OR52N2: variants seen among roughly 807,000 people sequenced by gnomAD.
The protein encoded by OR52N2 is olfactory receptor family 52 subfamily N member 2, also known as olfactory receptor 52N2.
For missense variants in OR52N2, 326 were observed against 196.6 expected (o/e 1.66, Z -3.94); for synonymous variants, 129 against 72.0 (o/e 1.79, Z -4.01).
Position 5,820,442 on chromosome 11 carries a change from T to C in OR52N2, c.107T>C (p.Met36Thr), listed in dbSNP as rs1846437893. 3.8e-6 allele frequency: 3 copies of C among 780,704 alleles called. No homozygotes were observed. Among genetic ancestry groups the C allele is most frequent in the East Asian group, 4.8e-5 (2 of 41,240 alleles). 48.4% of individuals were successfully genotyped at this position (780,704 alleles called of 1,614,324 possible). A position where few individuals can be genotyped will look rare whatever the true frequency, so the allele number is the denominator to read the frequency against. ...TGGATCTCCCTGCCATTCTGCTTTA[T>C]GTACATCATTGCTGTCGTGGGGAAC... is the stretch of plus-strand genomic sequence containing the variant. ...HIWISLPFCF[M>T]YIIAVVGNCG... Residue 36 changes from methionine to threonine, a missense_variant, in exon 2 of 2, where the codon ATG (methionine) becomes ACG (threonine). Coordinates refer to ENST00000317037, the MANE Select transcript of OR52N2 (RefSeq NM_001005174.3).
chr11:5,819,531 A>G (rs1255512703), intron 1 of OR52N2, among the ~76,000 whole-genome samples: 1 of 152,208 alleles, frequency 6.6e-6, no homozygotes, highest in East Asian at 1.9e-4. Flanking sequence ...TAGCAAAATC[A>G]CTACTAAACT....
chr11:5,814,088 G>A (rs1044145885), intron 1 of OR52N2, among the ~76,000 whole-genome samples: 1 of 152,080 alleles, frequency 6.6e-6, no homozygotes, highest in Non-Finnish European at 1.5e-5. Flanking sequence ...CTTTTCCTCT[G>A]AAATTAGACA....
intron 1 of OR52N2, among the ~76,000 whole-genome samples, chr11:5,815,861 A>C (rs1176537202): frequency 6.8e-6 from 1 of 146,676 alleles, no homozygotes; most frequent in Non-Finnish European, 1.5e-5. Context: ...ATAATGGATA[A>C]GCAAAATGTA....
At position 5,820,797 on chromosome 11, in the gene OR52N2, T is replaced by C. The variant is rs780329527; in HGVS notation, c.462T>C (p.Asn154=). The change falls in exon 2 of 2, where the codon AAT becomes AAC. Residue 154 remains asparagine (N), a synonymous_variant. Coordinates refer to ENST00000317037, the MANE Select transcript of OR52N2 (RefSeq NM_001005174.3). ...CTGGTCTTGCCACCTTCTTGAGGAA[T>C]GTGATGCTCATCATCCCATTCACTC... is the stretch of plus-strand genomic sequence containing the variant. ...AKAGLATFLR[N]VMLIIPFTLL... 1 of 774,110 alleles carries C rather than the reference T, an allele frequency of 1.3e-6. No homozygotes were observed. The highest frequency in any genetic ancestry group is 2.4e-6 in the Non-Finnish European group (1 of 414,928). The allele number at this position is 774,110 out of a possible 1,614,324, so 48.0% of individuals were successfully genotyped here.
intron 1 of OR52N2, among the ~76,000 whole-genome samples, chr11:5,812,400 C>G (rs938455611): frequency 6.9e-6 from 1 of 145,258 alleles, no homozygotes; most frequent in African/African-American, 2.6e-5. Flanking sequence ...GAGGCTGAGG[C>G]AGGAGAATGG....
At chr11:5,813,398 C>G (rs80095090) in intron 1 of OR52N2, among the ~76,000 whole-genome samples, 5,740 of 152,146 alleles carry the variant, frequency 0.038, 333 homozygotes, top group African/African-American at 0.13. Flanking sequence ...TTCCTTGGCA[C>G]TTACAACTTA....
chr11:5,815,928 T>C (rs1846400865), intron 1 of OR52N2, among the ~76,000 whole-genome samples: 1 of 115,268 alleles, frequency 8.7e-6, no homozygotes, highest in South Asian at 3.0e-4. Context: ...ATATATACAT[T>C]ATATATGTAT....
chr11:5,809,488 A>C (rs1846335039), intron 1 of OR52N2, among the ~76,000 whole-genome samples: 1 of 152,182 alleles, frequency 6.6e-6, no homozygotes, highest in African/African-American at 2.4e-5. Flanking sequence ...TAACTACGGG[A>C]ACAGATGTGA....
chr11:5,811,592 G>C (rs1029553584), intron 1 of OR52N2, among the ~76,000 whole-genome samples: 1 of 151,786 alleles, frequency 6.6e-6, no homozygotes, highest in Non-Finnish European at 1.5e-5. Context: ...AGAAAGTAAA[G>C]AACGAAAGCA....
At position 5,821,056 on chromosome 11, in the gene OR52N2, A is replaced by T. The variant is rs773060844; in HGVS notation, c.721A>T (p.Ser241Cys). ...AGCAGATGCTCGTCACAAAGCCTTCAGCACCTGCACATCTCACATGTGTTC... is the reference window on the plus strand; with the variant it reads ...AGCAGATGCTCGTCACAAAGCCTTCTGCACCTGCACATCTCACATGTGTTC... ...SSADARHKAF[S>C]TCTSHMCSIV... The change falls in exon 2 of 2, where the codon AGC (serine) becomes TGC (cysteine). Residue 241 changes from serine to cysteine, a missense_variant. Coordinates refer to ENST00000317037, the MANE Select transcript of OR52N2 (RefSeq NM_001005174.3). 9 of 781,012 alleles carry T rather than the reference A, an allele frequency of 1.2e-5. No homozygotes were observed. The highest frequency in any genetic ancestry group is 9.4e-5 in the South Asian group (7 of 74,620). 48.4% of individuals were successfully genotyped at this position (781,012 alleles called of 1,614,324 possible).
intron 1 of OR52N2, among the ~76,000 whole-genome samples, chr11:5,818,081 A>G (rs1265912594): frequency 6.6e-6 from 1 of 152,200 alleles, no homozygotes; most frequent in Non-Finnish European, 1.5e-5. Flanking sequence ...ATAATTATAA[A>G]GTGATTGAAT....
chr11:5,820,741 A>T lies in OR52N2; in HGVS notation c.406A>T (p.Thr136Ser). 1.3e-6 allele frequency: 1 copy of T among 778,250 alleles called. No homozygotes were observed. 48.2% of individuals were successfully genotyped at this position (778,250 alleles called of 1,614,324 possible). The change falls in exon 2 of 2, where the codon ACC becomes TCC. Residue 136 changes from threonine to serine, a missense_variant. Transcript: ENST00000317037. Reference protein sequence around the residue: ...VAICYPLRYATILTNPVIAKA... With the variant: ...VAICYPLRYASILTNPVIAKA... ...CATCTGCTACCCCTTACGCTATGCC[A>T]CCATCCTTACCAACCCTGTCATCGC...
chr11:5,820,577 C>G lies in OR52N2; in HGVS notation c.242C>G (p.Pro81Arg), dbSNP rs781208605. ...GTCACCTTGTGCACCACCATGGTAC[C>G]TAATATGCTGTGCATATTCTGGTTC... ...TDVTLCTTMVPNMLCIFWFNL... is the reference protein window; with the variant it reads ...TDVTLCTTMVRNMLCIFWFNL... Residue 81 changes from proline (P) to arginine (R), a missense_variant, in exon 2 of 2, where the codon CCT becomes CGT. Pro to Arg is a moderately radical substitution (Grantham distance 103). Transcript: ENST00000317037. The G allele has an allele frequency of 2.6e-6, 2 of 781,320 alleles. No individual in the cohort carries two copies. The highest frequency in any genetic ancestry group is 2.4e-6 in the Non-Finnish European group (1 of 418,440). The allele number at this position is 781,320 out of a possible 1,614,324, so 48.4% of individuals were successfully genotyped here. A position where few individuals can be genotyped will look rare whatever the true frequency, so the allele number is the denominator to read the frequency against.
chr11:5,820,850 G>A lies in OR52N2; in HGVS notation c.515G>A (p.Arg172Gln), dbSNP rs149195260. The change falls in exon 2 of 2, where the codon CGG becomes CAG. Residue 172 changes from arginine to glutamine, a missense_variant. Physicochemically the swap from Arg to Gln is conservative, Grantham distance 43 (BLOSUM62 1). Transcript: ENST00000317037. ...TLLTKRLPYC[R>Q]GNFIPHTYCD... ...CTCACCAAGCGCCTGCCCTATTGCC[G>A]GGGGAACTTCATCCCCCACACCTAC... is the stretch of plus-strand genomic sequence containing the variant. The A allele has an allele frequency of 2.4e-5, 19 of 780,668 alleles. No individual in the cohort carries two copies. Among genetic ancestry groups the A allele is most frequent in the African/African-American group, 1.5e-4 (9 of 59,198 alleles). 48.4% of individuals were successfully genotyped at this position (780,668 alleles called of 1,614,324 possible). A position where few individuals can be genotyped will look rare whatever the true frequency, so the allele number is the denominator to read the frequency against.
In OR52N2 at chr11:5,820,879, G is replaced by A. The variant is rs1420733760; in HGVS notation, c.544G>A (p.Asp182Asn). The A allele has an allele frequency of 1.3e-6, 1 of 781,008 alleles. No homozygotes were observed. 48.4% of individuals were successfully genotyped at this position (781,008 alleles called of 1,614,324 possible). A position where few individuals can be genotyped will look rare whatever the true frequency, so the allele number is the denominator to read the frequency against. Residue 182 changes from aspartate (D) to asparagine (N), a missense_variant, in exon 2 of 2, where the codon GAC (aspartate) becomes AAC (asparagine). By Grantham distance (23) the Asp-to-Asn change is conservative. Transcript: ENST00000317037. ...RGNFIPHTYC[D>N]HMSVAKVSCG... is the part of the protein sequence containing the mutation. Reference sequence around the variant, plus strand: ...GAACTTCATCCCCCACACCTACTGTGACCATATGTCTGTGGCCAAGGTATC... The same window carrying A: ...GAACTTCATCCCCCACACCTACTGTAACCATATGTCTGTGGCCAAGGTATC...
chr11:5,812,494 C>CAAAAAAAAAAAA (rs57515736), intron 1 of OR52N2, among the ~76,000 whole-genome samples: 1 of 104,102 alleles, frequency 9.6e-6, no homozygotes, highest in Non-Finnish European at 1.8e-5. Context: ...GACTCCATCT[C>CAAAAAAAAAAAA]AAAAAAAAAA....
chr11:5,812,943 T>C (rs1392375488), intron 1 of OR52N2, among the ~76,000 whole-genome samples: 1 of 151,788 alleles, frequency 6.6e-6, no homozygotes, highest in Non-Finnish European at 1.5e-5. Context: ...TACAAATACA[T>C]GAAAATTACA....
rs752252918 is a variant in OR52N2, at chr11:5,821,279, T to C, written c.944T>C (p.Val315Ala). The C allele has an allele frequency of 1.3e-6, 1 of 779,982 alleles. No homozygotes were observed. Among genetic ancestry groups the C allele is most frequent in the South Asian group, 1.3e-5 (1 of 74,536 alleles). 48.3% of individuals were successfully genotyped at this position (779,982 alleles called of 1,614,324 possible). ...GVIKFLLGDK[V>A]SFTYDK Reference sequence around the variant, plus strand: ...ATTAAATTTTTACTTGGAGACAAGGTTAGTTTTACCTATGACAAATGAAAC... The same window carrying C: ...ATTAAATTTTTACTTGGAGACAAGGCTAGTTTTACCTATGACAAATGAAAC... Residue 315 changes from valine to alanine, a missense_variant, in exon 2 of 2, where the codon GTT (valine) becomes GCT (alanine). Physicochemically the swap from Val to Ala is moderately conservative, Grantham distance 64. Coordinates refer to ENST00000317037, the MANE Select transcript of OR52N2 (RefSeq NM_001005174.3).
rs375266251 is a variant in OR52N2, at chr11:5,821,128, C to G, written c.793C>G (p.Arg265Gly). ...TGCTTTTTTCACTTTTTTCACTCAT[C>G]GTTTTGTAGGACACAATATCCCAAA... The part of the protein sequence containing the change: ...VAAFFTFFTH[R>G]FVGHNIPNHI... The change falls in exon 2 of 2, where the codon CGT becomes GGT. Residue 265 changes from arginine to glycine, a missense_variant. Coordinates refer to ENST00000317037, the MANE Select transcript of OR52N2 (RefSeq NM_001005174.3). The G allele has an allele frequency of 2.6e-6, 2 of 780,968 alleles. No individual in the cohort carries two copies. Among genetic ancestry groups the G allele is most frequent in the South Asian group, 1.3e-5 (1 of 74,622 alleles). 48.4% of individuals were successfully genotyped at this position (780,968 alleles called of 1,614,324 possible).
Sources: allele counts gnomAD v4.1 joint callset (sites outside exome capture counted in the v4.1 genomes callset), GRCh38; gene constraint gnomAD v4.1.1; transcripts MANE v1.5; gene names NCBI Gene and HGNC (gene_info 2026-07-23, HGNC 2026-07-21).